INTS2: variants seen among roughly 807,000 people sequenced by gnomAD.
INTS2 encodes the protein KIAA1287.
Under a neutral mutation model 139.6 loss-of-function variants are expected in INTS2, and 57 were observed. That is an observed-to-expected ratio of 0.41 (90% CI 0.33 to 0.51). The LOEUF (loss-of-function observed/expected upper bound fraction) is 0.51. Ranked by LOEUF, INTS2 falls within the 20% of genes least tolerant of loss-of-function variation. The probability of loss-of-function intolerance (pLI) is 0.28; values close to 1 mark genes in which losing one functional copy is unlikely to be tolerated. For missense variants in INTS2, 1,196 were observed against 1,436.7 expected (o/e 0.83, Z 2.71); for synonymous variants, 473 against 493.4 (o/e 0.96, Z 0.55).
At chr17:61,878,128 C>A (rs767510997) in intron 17 of INTS2, 40 bp from the exon 18 acceptor site, 1 of 1,264,756 alleles carries the variant, frequency 7.9e-7, no homozygotes, top group African/African-American at 1.5e-5. Context: ...AAATTCTGTA[C>A]AGTTTATCAA....
At position 61,869,803 on chromosome 17, in the gene INTS2, A is replaced by G; in HGVS notation, c.2964T>C (p.Leu988=). 1 of 1,613,850 alleles carries G rather than the reference A, an allele frequency of 6.2e-7. No individual in the cohort carries two copies. The highest frequency in any genetic ancestry group is 8.5e-7 in the Non-Finnish European group (1 of 1,179,750). The change falls in exon 21 of 25, where the codon CTT becomes CTC. Residue 988 remains leucine (L), a synonymous_variant. Transcript: ENST00000251334. This position sits in a 1 kb window ranked among gnomAD's most constrained non-coding sequence, Gnocchi z 5.4. ...LLCNLREVQC[L]ICCLLHQMYI... ...ACATTTGGTGCAAGAGACAACAGATAAGGCACTGAACTTCTCGAAGGTTAC... is the reference window on the plus strand; with the variant it reads ...ACATTTGGTGCAAGAGACAACAGATGAGGCACTGAACTTCTCGAAGGTTAC...
chr17:61,904,946 ATT>A (rs547719682), intron 8 of INTS2, among the ~76,000 whole-genome samples: 236 of 141,014 alleles, frequency 1.7e-3, no homozygotes, highest in African/African-American at 1.8e-3. Flanking sequence ...ATAATGCATA[ATT>A]TTTTTTTTTT....
intron 7 of INTS2, 184 bp downstream of exon 7, chr17:61,911,336 A>G (rs1346073911): frequency 4.4e-6 from 2 of 456,340 alleles, no homozygotes; most frequent in Non-Finnish European, 7.7e-6. Context: ...ATCAACAGAA[A>G]AAAAGCCACA....
chr17:61,893,756 G>T lies in INTS2; in HGVS notation c.1698+9C>A. On this transcript the variant is annotated intron_variant, in intron 13 of 24. Transcript: ENST00000251334. The surrounding 1 kb of genome is among the most constrained non-coding windows in gnomAD (Gnocchi z 5.4). The stretch of plus-strand genomic sequence containing the variant: ...ATGCTTTTATTTTGTTTTATTTGTA[G>T]GGGCATACTTTTATTGACACTTTGT... 6.4e-7 allele frequency: 1 copy of T among 1,556,844 alleles called. No homozygotes were observed. The highest frequency in any genetic ancestry group is 8.7e-7 in the Non-Finnish European group (1 of 1,150,052).
In INTS2 at chr17:61,912,012, C is replaced by T. The variant is rs774745055; in HGVS notation, c.708G>A (p.Arg236=). ...ERQDEESLGG[R]RRTDALRFLC... is the part of the protein sequence containing the mutation. ...AGAAGCGTAAGGCATCTGTCCTGCG[C>T]CTTCCTCCAAGACTTTCTTCATCTT... The change falls in exon 6 of 25, where the codon AGG becomes AGA. Residue 236 remains arginine, a synonymous_variant. Transcript: ENST00000251334. 5.6e-6 allele frequency: 9 copies of T among 1,613,856 alleles called. No homozygotes were observed. Among genetic ancestry groups the T allele is most frequent in the Middle Eastern group, 1.6e-4 (1 of 6,062 alleles).
intron 17 of INTS2, among the ~76,000 whole-genome samples, chr17:61,879,300 C>T (rs372072634): frequency 6.6e-6 from 1 of 151,982 alleles, no homozygotes; most frequent in Admixed American, 6.6e-5. Context: ...TTGAAAGGCT[C>T]AAACTTGAAA....
rs554133977 is a variant in INTS2, at chr17:61,911,790, TC to T, written c.781-98del. 7.8e-5 allele frequency: 112 copies of T among 1,442,238 alleles called. No individual in the cohort carries two copies. The East Asian group carries it at 2.1e-3, about 27-fold the overall frequency. The allele number at this position is 1,442,238 out of a possible 1,614,324, so 89.3% of individuals were successfully genotyped here. ...AGTATCTAAAGTTTAGAGGAAGAACTCCTACAAAACATAAAAACCCAGAGAG... is the reference window on the plus strand; with the variant it reads ...AGTATCTAAAGTTTAGAGGAAGAACTCTACAAAACATAAAAACCCAGAGAG... On this transcript the variant is annotated intron_variant, in intron 6 of 24. Coordinates refer to ENST00000251334, the MANE Select transcript of INTS2 (RefSeq NM_001351695.2).
chr17:61,917,788 A>T (rs1490454371), intron 5 of INTS2, among the ~76,000 whole-genome samples: 1 of 151,690 alleles, frequency 6.6e-6, no homozygotes, highest in African/African-American at 2.4e-5. Context: ...TAAAACTTCG[A>T]ATTTTTTTAA....
At chr17:61,902,913 T>A (rs111479746) in intron 9 of INTS2, among the ~76,000 whole-genome samples, 1,459 of 143,732 alleles carry the variant, frequency 0.01, 18 homozygotes, top group South Asian at 0.047. Context: ...ACGCCTGTAA[T>A]CCCAGCACTT....
In INTS2 at chr17:61,882,636, C is replaced by T. The variant is rs966617917; in HGVS notation, c.2090-1465G>A. On this transcript the variant is annotated intron_variant, in intron 16 of 24. Coordinates refer to ENST00000251334, the MANE Select transcript of INTS2 (RefSeq NM_001351695.2). This position sits in a 1 kb window ranked among gnomAD's most constrained non-coding sequence, Gnocchi z 4.7. ...CCTGGCTACTTGGGAGGCTGAGGCA[C>T]AAGAATTGCTTGAACCTGGGACGTG... Among the ~76,000 whole-genome samples the T allele has an allele frequency of 1.3e-4, 20 of 151,976 alleles. No homozygotes were observed. The highest frequency in any genetic ancestry group is 2.9e-4 in the Non-Finnish European group (20 of 67,982).
rs1309050153 is a variant in INTS2 at position 61,881,089 on chromosome 17, T to C, written c.2172A>G (p.Glu724=). 1 of 1,613,650 alleles carries C rather than the reference T, an allele frequency of 6.2e-7. No homozygotes were observed. The highest frequency in any genetic ancestry group is 1.1e-5 in the South Asian group (1 of 91,078). The change falls in exon 17 of 25, where the codon GAA becomes GAG. Residue 724 remains glutamate (E), a synonymous_variant. Transcript: ENST00000251334. ...GTAGCAGGGCATCAGTCCCTGTGAT[T>C]TCTTCTTCACAAATCCAGTCATCCA... ...CIVDDWICEE[E]ITGTDALLRR... is the part of the protein sequence containing the mutation.
Position 61,877,856 on chromosome 17 carries a change from T to C in INTS2, c.2456+31A>G, listed in dbSNP as rs187603472. The C allele has an allele frequency of 3.8e-3, 5,852 of 1,528,614 alleles. 24 individuals carry two copies. Among genetic ancestry groups the C allele is most frequent in the Middle Eastern group, 6.1e-3 (36 of 5,910 alleles). The allele number at this position is 1,528,614 out of a possible 1,614,324, so 94.7% of individuals were successfully genotyped here. ...GTATATTATCCCTGCTATATAATTA[T>C]CTATTACATGTAACAATACACTGAA... is the stretch of plus-strand genomic sequence containing the variant. On this transcript the variant is annotated intron_variant, in intron 18 of 24. Transcript: ENST00000251334.
Position 61,877,967 on chromosome 17 carries a change from T to A in INTS2, c.2376A>T (p.Leu792=). The A allele has an allele frequency of 6.2e-7, 1 of 1,613,790 alleles. No individual in the cohort carries two copies. Residue 792 remains leucine, a synonymous_variant, in exon 18 of 25, where the codon CTA becomes CTT. Coordinates refer to ENST00000251334, the MANE Select transcript of INTS2 (RefSeq NM_001351695.2). The part of the protein sequence containing the change: ...AEVLTSNMSQ[L]LNSGVPRRIL... ...TTCTCCGTGGAACCCCTGAATTCAA[T>A]AGCTGGCTCATATTGGATGTTAACA...
chr17:61,921,344 T>C, intron 4 of INTS2: 1 of 152,258 alleles, frequency 6.6e-6, no homozygotes, highest in Admixed American at 6.6e-5. Flanking sequence ...ACTCTGTCTC[T>C]AAAAAAAAAT....
At chr17:61,921,909 C>A in intron 3 of INTS2, 82 bp from the exon 4 acceptor site, 1 of 723,970 alleles carries the variant, frequency 1.4e-6, no homozygotes, top group Non-Finnish European at 2.3e-6. Context: ...TTCTTGAGCT[C>A]ACAGATTATG....
rs1179615104 is a variant in INTS2, at chr17:61,869,306, A to G, written c.3105T>C (p.Pro1035=). 8 of 1,606,290 alleles carry G rather than the reference A, an allele frequency of 5.0e-6. No individual in the cohort carries two copies. Among genetic ancestry groups the G allele is most frequent in the Non-Finnish European group, 6.8e-6 (8 of 1,175,824 alleles). Residue 1035 remains proline (P), a synonymous_variant, in exon 22 of 25, where the codon CCT becomes CCC. Transcript: ENST00000251334. This position sits in a 1 kb window ranked among gnomAD's most constrained non-coding sequence, Gnocchi z 5.4. ...CAAGTTCTGGCTGTGCAATAAGCTC[A>G]GGTATGAAATCTAGACAGATGTGCA... ...PSMHICLDFI[P]ELIAQPELEK...
At chr17:61,927,482 C>A in intron 1 of INTS2, 172 bp downstream of exon 1, 1 of 214,730 alleles carries the variant, frequency 4.7e-6, no homozygotes, top group Non-Finnish European at 8.5e-6. Flanking sequence ...AGGGGCTGCT[C>A]TTTTAACAGA....
At position 61,872,259 on chromosome 17, in the gene INTS2, A is replaced by G. The variant is rs754393153; in HGVS notation, c.2778+6T>C. Reference sequence around the variant, plus strand: ...TTTGACTAAATTTTACTTTAGCAAAATTTACCTGAGCGGCCAGTAATGCAT... The same window carrying G: ...TTTGACTAAATTTTACTTTAGCAAAGTTTACCTGAGCGGCCAGTAATGCAT... On this transcript the variant is annotated splice_donor_region_variant and intron_variant, in intron 20 of 24. Coordinates refer to ENST00000251334, the MANE Select transcript of INTS2 (RefSeq NM_001351695.2). The surrounding 1 kb of genome is among the most constrained non-coding windows in gnomAD (Gnocchi z 4.8). 12 of 1,605,734 alleles carry G rather than the reference A, an allele frequency of 7.5e-6. No homozygotes were observed. The South Asian group carries it at 1.3e-4, about 18-fold the overall frequency.
chr17:61,873,321 C>T lies in INTS2; in HGVS notation c.2583-861G>A, dbSNP rs2079103244. On this transcript the variant is annotated intron_variant, in intron 19 of 24. Coordinates refer to ENST00000251334, the MANE Select transcript of INTS2 (RefSeq NM_001351695.2). The surrounding 1 kb of genome is among the most constrained non-coding windows in gnomAD (Gnocchi z 4.0). ...AGAGGATTGCTTAAGCCCAGGAGTT[C>T]AAGACCAGCCTGGACAACATAGCAA... 6.6e-6 allele frequency among the ~76,000 whole-genome samples: 1 copy of T among 151,934 alleles called. No homozygotes were observed. Among genetic ancestry groups the T allele is most frequent in the Admixed American group, 6.6e-5 (1 of 15,264 alleles).
Sources: gnomAD v4.1 joint callset for allele counts (sites outside exome capture counted in the v4.1 genomes callset) on GRCh38, gnomAD v4.1.1 for gene constraint, Gnocchi (gnomAD v3.1) non-coding constraint, MANE v1.5 for transcripts, NCBI Gene and HGNC (gene_info 2026-07-23, HGNC 2026-07-21) for gene names.